The following BICRA variants were observed in gnomAD, a reference collection of about 807,000 sequenced individuals.
The protein encoded by BICRA is BRD4-interacting chromatin-remodeling complex-associated protein.
A neutral mutation model predicts 96.9 loss-of-function variants in BICRA; 31 were observed. That is an observed-to-expected ratio of 0.32 (90% CI 0.24 to 0.43). The LOEUF (loss-of-function observed/expected upper bound fraction) is 0.43. BICRA is among the 20% of genes least tolerant of loss of function. The pLI is 1.00. For missense variants in BICRA, 2,283 were observed against 2,190.3 expected, an observed-to-expected ratio of 1.04 and a Z score of -0.84; for synonymous variants, 1,350 against 1,071.8, an observed-to-expected ratio of 1.26 and a Z score of -5.07.
chr19:47,655,376 T>C (rs527446662), intron 1 of BICRA, among the ~76,000 whole-genome samples: 2 of 141,012 alleles, frequency 1.4e-5, no homozygotes, highest in Admixed American at 1.4e-4. Context: ...AAATACAAAA[T>C]TAGCCGGGCG....
Position 47,679,591 on chromosome 19 carries a change from G to T in BICRA, c.421G>T (p.Ala141Ser). Residue 141 changes from alanine (A) to serine (S), a missense_variant, in exon 6 of 15, where the codon GCA becomes TCA. Physicochemically the swap from Ala to Ser is moderately conservative, Grantham distance 99 (BLOSUM62 1). Coordinates refer to ENST00000594866, the MANE Select transcript of BICRA (RefSeq NM_001394372.1). ...CACCCTGCAGCCTGCGGATGGCGGG[G>T]CAGGCCCGACGGGCGCTGGAGGGGC... ...LPTLQPADGGAGPTGAGGAAA... is the reference protein window; with the variant it reads ...LPTLQPADGGSGPTGAGGAAA... 1.3e-6 allele frequency: 2 copies of T among 1,537,256 alleles called. No homozygotes were observed. Among genetic ancestry groups the T allele is most frequent in the Non-Finnish European group, 8.8e-7 (1 of 1,141,536 alleles).
chr19:47,666,867 A>G (rs1972786737), intron 1 of BICRA, among the ~76,000 whole-genome samples: 1 of 151,536 alleles, frequency 6.6e-6, no homozygotes, highest in South Asian at 2.1e-4. Flanking sequence ...TGAGCTAACC[A>G]TGCCTCCCTC....
In BICRA at chr19:47,701,328, A is replaced by C. The variant is rs766782028; in HGVS notation, c.3596A>C (p.Asp1199Ala). 1 of 1,608,816 alleles carries C rather than the reference A, an allele frequency of 6.2e-7. No individual in the cohort carries two copies. Among genetic ancestry groups the C allele is most frequent in the East Asian group, 2.2e-5 (1 of 44,826 alleles). The change falls in exon 15 of 15, where the codon GAC becomes GCC. Residue 1199 changes from aspartate to alanine, a missense_variant and splice_region_variant. By Grantham distance (126) the Asp-to-Ala change is moderately radical. Coordinates refer to ENST00000594866, the MANE Select transcript of BICRA (RefSeq NM_001394372.1). The surrounding 1 kb of genome is among the most constrained non-coding windows in gnomAD (Gnocchi z 5.4). ...LDKQLAKEKP[D>A]EYVSSSRSLG... is the part of the protein sequence containing the mutation. ...GGTTTTCTTTGCCCCGATTCTGCAG[A>C]CGAGTACGTGTCTTCCTCCCGCTCG... is the stretch of plus-strand genomic sequence containing the variant.
At chr19:47,643,567 G>A (rs553705722) in intron 1 of BICRA, among the ~76,000 whole-genome samples, 1 of 152,300 alleles carries the variant, frequency 6.6e-6, no homozygotes, top group South Asian at 2.1e-4. Context: ...TGAGGTACTG[G>A]GGACACCAGC....
At chr19:47,616,706 C>G (rs908362116) in intron 1 of BICRA, among the ~76,000 whole-genome samples, 1 of 152,000 alleles carries the variant, frequency 6.6e-6, no homozygotes, top group Admixed American at 6.6e-5. Context: ...TGTAACAGAG[C>G]TTCCCCGCTT....
rs145963832 is a variant in BICRA at position 47,680,403 on chromosome 19, G to C, written c.1233G>C (p.Leu411=). 6.5e-7 allele frequency: 1 copy of C among 1,534,730 alleles called. No homozygotes were observed. The highest frequency in any genetic ancestry group is 2.5e-5 in the East Asian group (1 of 40,720). ...GGAAGGCGGGCCAGAACGTGGTGCT[G>C]TCGGGCTTCCCCGCGCCTGCGCTGC... ...AAGKAGQNVV[L]SGFPAPALQA... The change falls in exon 6 of 15, where the codon CTG becomes CTC. Residue 411 remains leucine, a synonymous_variant. Coordinates refer to ENST00000594866, the MANE Select transcript of BICRA (RefSeq NM_001394372.1).
At chr19:47,634,316 G>C (rs1004702890) in intron 1 of BICRA, among the ~76,000 whole-genome samples, 5 of 152,132 alleles carry the variant, frequency 3.3e-5, no homozygotes, top group Non-Finnish European at 7.4e-5. Flanking sequence ...GGACTAACTC[G>C]GGCCTGCCCT....
At position 47,699,373 on chromosome 19, in the gene BICRA, C is replaced by T. The variant is rs762960696; in HGVS notation, c.3563C>T (p.Ala1188Val). The T allele has an allele frequency of 6.4e-7, 1 of 1,566,958 alleles. No individual in the cohort carries two copies. Among genetic ancestry groups the T allele is most frequent in the Admixed American group, 1.9e-5 (1 of 52,840 alleles). The change falls in exon 14 of 15, where the codon GCC (alanine) becomes GTC (valine). Residue 1188 changes from alanine (A) to valine (V), a missense_variant. Ala to Val is a moderately conservative substitution (Grantham distance 64). Transcript: ENST00000594866. This position sits in a 1 kb window ranked among gnomAD's most constrained non-coding sequence, Gnocchi z 5.0. ...ATTCAGGAGGAGAAGACCACCCTTGCCTTGGATAAACAGCTGGCCAAGGAG... is the reference window on the plus strand; with the variant it reads ...ATTCAGGAGGAGAAGACCACCCTTGTCTTGGATAAACAGCTGGCCAAGGAG... The part of the protein sequence containing the change: ...MFIQEEKTTL[A>V]LDKQLAKEKP...
intron 1 of BICRA, among the ~76,000 whole-genome samples, chr19:47,618,479 G>A (rs1308863924): frequency 6.6e-6 from 1 of 152,164 alleles, no homozygotes; most frequent in African/African-American, 2.4e-5. Context: ...ACTATTGTTA[G>A]TGTTGTTATT....
intron 1 of BICRA, among the ~76,000 whole-genome samples, chr19:47,610,770 C>T (rs142467766): frequency 7.9e-5 from 12 of 152,204 alleles, no homozygotes; most frequent in South Asian, 2.1e-4. Flanking sequence ...GTGCTTTTAA[C>T]CTCTCCCAGC....
At chr19:47,684,516 C>A (rs997852836) in intron 7 of BICRA, among the ~76,000 whole-genome samples, 1 of 152,144 alleles carries the variant, frequency 6.6e-6, no homozygotes, top group African/African-American at 2.4e-5. Flanking sequence ...GATGGGGTTT[C>A]GCCATGTTGG....
At chr19:47,678,880 T>C (rs542983837) in intron 5 of BICRA, 2 of 179,512 alleles carry the variant, frequency 1.1e-5, no homozygotes, top group African/African-American at 4.8e-5. Flanking sequence ...TTCTTTTTTC[T>C]TTTTTTTTTC....
chr19:47,683,297 A>G (rs1973094928), intron 7 of BICRA, among the ~76,000 whole-genome samples: 1 of 150,364 alleles, frequency 6.7e-6, no homozygotes, highest in Non-Finnish European at 1.5e-5. Flanking sequence ...CCTCACCAGT[A>G]TGTTGAACTT....
rs377389468 is a variant in BICRA at position 47,699,086 on chromosome 19, T to A, written c.3492+27T>A. On this transcript the variant is annotated intron_variant, in intron 13 of 14. Transcript: ENST00000594866. This position sits in a 1 kb window ranked among gnomAD's most constrained non-coding sequence, Gnocchi z 5.0. ...TAGGGTCAGAGTCGCCTTCCTCGCC[T>A]CTGGGCTCCTCCTCGCTGGGACACT... 23 of 1,410,634 alleles carry A rather than the reference T, an allele frequency of 1.6e-5. No homozygotes were observed. The highest frequency in any genetic ancestry group is 2.1e-5 in the Non-Finnish European group (21 of 1,020,590). 87.4% of individuals were successfully genotyped at this position (1,410,634 alleles called of 1,614,324 possible). A position where few individuals can be genotyped will look rare whatever the true frequency, so the allele number is the denominator to read the frequency against.
intron 1 of BICRA, among the ~76,000 whole-genome samples, chr19:47,667,663 C>T (rs1171172929): frequency 4.6e-5 from 7 of 152,126 alleles, no homozygotes; most frequent in Admixed American, 1.3e-4. Context: ...TTTCTGGGAT[C>T]GGGACCTGAG....
rs191006803 is a variant in BICRA at position 47,639,531 on chromosome 19, G to A, written c.-108+30363G>A. 6.0e-5 allele frequency among the ~76,000 whole-genome samples: 9 copies of A among 150,520 alleles called. No individual in the cohort carries two copies. The East Asian group carries it at 7.9e-4, about 13-fold the overall frequency. On this transcript the variant is annotated intron_variant, in intron 1 of 14. Transcript: ENST00000594866. ...TTTTTAGTAGAGACGGGGTTTCACC[G>A]TGTTAGCTAGGATGGTCTCGATCTC...
At chr19:47,624,470 C>G (rs1247184389) in intron 1 of BICRA, among the ~76,000 whole-genome samples, 1 of 152,002 alleles carries the variant, frequency 6.6e-6, no homozygotes, top group African/African-American at 2.4e-5. Flanking sequence ...GTTAAGTGTG[C>G]AATAACATCA....
intron 1 of BICRA, among the ~76,000 whole-genome samples, chr19:47,657,418 A>G (rs1443919857): frequency 1.4e-5 from 2 of 143,254 alleles, no homozygotes; most frequent in Admixed American, 7.0e-5. Flanking sequence ...TTTTTTTGAG[A>G]CGGAGTCTTG....
chr19:47,694,368 C>A lies in BICRA; in HGVS notation c.2537C>A (p.Pro846His). Residue 846 changes from proline (P) to histidine (H), a missense_variant, in exon 8 of 15, where the codon CCT becomes CAT. Pro to His is a moderately conservative substitution (Grantham distance 77). Transcript: ENST00000594866. Reference sequence around the variant, plus strand: ...CAAAACCAGCTAGGCGTTCCCCCGCCTGCCAGCAACCCGGCCCCTACTGCC... The same window carrying A: ...CAAAACCAGCTAGGCGTTCCCCCGCATGCCAGCAACCCGGCCCCTACTGCC... ...VIQNQLGVPPPASNPAPTAPG... is the reference protein window; with the variant it reads ...VIQNQLGVPPHASNPAPTAPG... 3.0e-6 allele frequency: 4 copies of A among 1,312,938 alleles called. No individual in the cohort carries two copies. Among genetic ancestry groups the A allele is most frequent in the Non-Finnish European group, 4.3e-6 (4 of 930,018 alleles). 81.3% of individuals were successfully genotyped at this position (1,312,938 alleles called of 1,614,324 possible). A position where few individuals can be genotyped will look rare whatever the true frequency, so the allele number is the denominator to read the frequency against.
Sources: gnomAD v4.1 joint callset for allele counts (sites outside exome capture counted in the v4.1 genomes callset) on GRCh38, gnomAD v4.1.1 for gene constraint, Gnocchi (gnomAD v3.1) non-coding constraint, MANE v1.5 for transcripts, NCBI Gene and HGNC (gene_info 2026-07-23, HGNC 2026-07-21) for gene names.